PLCL1: variants seen among roughly 807,000 people sequenced by gnomAD.
PLCL1 encodes the protein phospholipase C like 1 (inactive).
Under a neutral mutation model 84.4 loss-of-function variants are expected in PLCL1, and 41 were observed. That is an observed-to-expected ratio of 0.49 (90% CI 0.38 to 0.63). PLCL1 has a LOEUF of 0.63. Among genes scored for constraint, PLCL1 ranks in the 30% least tolerant of loss-of-function variants. The pLI, the probability that PLCL1 is intolerant of heterozygous loss-of-function variation, is 0.00. For missense variants in PLCL1, 1,206 were observed against 1,367.8 expected (o/e 0.88, Z 1.87); for synonymous variants, 490 against 488.3 (o/e 1.00, Z -0.05).
In PLCL1 at chr2:197,909,012, C is replaced by T. The variant is rs139456466; in HGVS notation, c.240+103673C>T. Among the ~76,000 whole-genome samples, 854 of 152,302 alleles carry T rather than the reference C, an allele frequency of 5.6e-3. 5 individuals are homozygous for T. The highest frequency in any genetic ancestry group is 0.019 in the African/African-American group (809 of 41,558). On this transcript the variant is annotated intron_variant, in intron 1 of 5. Transcript: ENST00000428675. ...AGAGGAGTCACTCAAGGACCAAACA[C>T]GAGACTCATGCTATTTCTCTTGCAG...
At chr2:198,011,188 GA>G (rs1443589280) in intron 1 of PLCL1, among the ~76,000 whole-genome samples, 1 of 151,752 alleles carries the variant, frequency 6.6e-6, no homozygotes, top group African/African-American at 2.4e-5. Context: ...TCTAGTTACT[GA>G]AGGTATAAAT....
chr2:198,072,217 A>G lies in PLCL1; in HGVS notation c.241-11541A>G, dbSNP rs2105886217. The stretch of plus-strand genomic sequence containing the variant: ...TTAAGTTTATTCTTGACTTGTTTAT[A>G]ATCTTAATTACTGATTTGAATGGGA... On this transcript the variant is annotated intron_variant, in intron 1 of 5. Transcript: ENST00000428675. 1.3e-5 allele frequency among the ~76,000 whole-genome samples: 2 copies of G among 151,970 alleles called. 1 individual carries two copies. The highest frequency in any genetic ancestry group is 4.2e-4 in the South Asian group (2 of 4,818).
At chr2:198,104,234 C>G (rs1234386551) in intron 5 of PLCL1, among the ~76,000 whole-genome samples, 2 of 151,954 alleles carry the variant, frequency 1.3e-5, no homozygotes, top group African/African-American at 4.8e-5. Context: ...CTGTTCCTCT[C>G]TTTGTGTCCA....
chr2:198,104,109 G>A (rs1474972316), intron 5 of PLCL1, among the ~76,000 whole-genome samples, 173 bp downstream of exon 5: 2 of 151,764 alleles, frequency 1.3e-5, no homozygotes, highest in African/African-American at 2.4e-5. Context: ...TGTCGCGGGG[G>A]GCTGGAGTGC....
At chr2:198,009,612 A>C (rs1690817570) in intron 1 of PLCL1, among the ~76,000 whole-genome samples, 1 of 151,950 alleles carries the variant, frequency 6.6e-6, no homozygotes, top group Non-Finnish European at 1.5e-5. Flanking sequence ...TGAAATCAAG[A>C]AGTGTGATGC....
At position 197,979,587 on chromosome 2, in the gene PLCL1, G is replaced by C. The variant is rs528992082; in HGVS notation, c.241-104171G>C. On this transcript the variant is annotated intron_variant, in intron 1 of 5. Transcript: ENST00000428675. ...ACTTCTCTGCTTACGCACATTTTCT[G>C]ATTTCCTATTGCTTCCAGAATTAAG... 3.9e-5 allele frequency among the ~76,000 whole-genome samples: 6 copies of C among 152,284 alleles called. No individual in the cohort carries two copies. The South Asian group carries it at 1.2e-3, about 32-fold the overall frequency.
In PLCL1 at chr2:197,993,580, A is replaced by G. The variant is rs78951871; in HGVS notation, c.241-90178A>G. 9.3e-3 allele frequency among the ~76,000 whole-genome samples: 1,419 copies of G among 152,136 alleles called. 24 individuals carry two copies. The highest frequency in any genetic ancestry group is 0.032 in the African/African-American group (1,346 of 41,460). ...CCTTGTGTAACAGTGTAGAGTCATT[A>G]TCACCCCTGGGCCTGAGGGGACAAG... On this transcript the variant is annotated intron_variant, in intron 1 of 5. Transcript: ENST00000428675.
chr2:197,932,552 C>T (rs1688958967), intron 1 of PLCL1, among the ~76,000 whole-genome samples: 1 of 152,094 alleles, frequency 6.6e-6, no homozygotes, highest in Non-Finnish European at 1.5e-5. Context: ...CCAGTGTGTG[C>T]TGTTCCCCTC....
chr2:197,806,875 T>G (rs949437699), intron 1 of PLCL1, among the ~76,000 whole-genome samples: 2 of 152,174 alleles, frequency 1.3e-5, no homozygotes, highest in African/African-American at 4.8e-5. Context: ...TAATGGAGTA[T>G]AAGGAATATA....
At chr2:197,998,559 G>A (rs1318301922) in intron 1 of PLCL1, among the ~76,000 whole-genome samples, 2 of 152,004 alleles carry the variant, frequency 1.3e-5, no homozygotes, top group Non-Finnish European at 2.9e-5. Flanking sequence ...CTCATCATGG[G>A]GGCCTCCTGT....
intron 1 of PLCL1, among the ~76,000 whole-genome samples, chr2:197,834,484 T>C (rs888403524): frequency 1.3e-5 from 2 of 152,094 alleles, no homozygotes; most frequent in African/African-American, 4.8e-5. Context: ...AAAAAGTGGG[T>C]GACAGATATG....
intron 1 of PLCL1, among the ~76,000 whole-genome samples, chr2:198,029,954 C>A (rs1691370101): frequency 6.6e-6 from 1 of 151,928 alleles, no homozygotes. Flanking sequence ...CCTGCCTCAG[C>A]CTCCCAAAGT....
chr2:198,082,438 T>C (rs1035690348), intron 1 of PLCL1, among the ~76,000 whole-genome samples: 1 of 151,476 alleles, frequency 6.6e-6, no homozygotes, highest in Non-Finnish European at 1.5e-5. Context: ...AGCGAGATTC[T>C]GTCAAAAAAA....
At chr2:198,091,071 T>C (rs1439034674) in intron 3 of PLCL1, among the ~76,000 whole-genome samples, 2 of 152,212 alleles carry the variant, frequency 1.3e-5, no homozygotes, top group Non-Finnish European at 2.9e-5. Flanking sequence ...TATAATGAAG[T>C]CTTTCATGTA....
intron 5 of PLCL1, among the ~76,000 whole-genome samples, chr2:198,136,909 C>T (rs78439700): frequency 1.0e-3 from 158 of 152,198 alleles, no homozygotes; most frequent in African/African-American, 3.6e-3. Flanking sequence ...AAATCTGGCT[C>T]AGATTAAAAT....
At chr2:197,830,880 A>G (rs1691044422) in intron 1 of PLCL1, among the ~76,000 whole-genome samples, 2 of 152,250 alleles carry the variant, frequency 1.3e-5, no homozygotes, top group Admixed American at 1.3e-4. Context: ...ACATTCTTAA[A>G]GAATTTTCAA....
chr2:198,052,861 C>T (rs1400026664), intron 1 of PLCL1, among the ~76,000 whole-genome samples: 1 of 152,124 alleles, frequency 6.6e-6, no homozygotes, highest in African/African-American at 2.4e-5. Context: ...TGAGGTACCT[C>T]CCCCTTCATT....
intron 1 of PLCL1, among the ~76,000 whole-genome samples, chr2:197,815,677 A>G (rs1296828964): frequency 6.6e-6 from 1 of 152,136 alleles, no homozygotes; most frequent in Non-Finnish European, 1.5e-5. Context: ...TGATTCATGG[A>G]AGGAGGTAAA....
intron 5 of PLCL1, among the ~76,000 whole-genome samples, chr2:198,119,635 T>G (rs1693824774): frequency 6.6e-6 from 1 of 151,828 alleles, no homozygotes; most frequent in African/African-American, 2.4e-5. Flanking sequence ...CTCTTGTCCC[T>G]CCATACCCCT....
Sources: gnomAD v4.1 joint callset for allele counts (sites outside exome capture counted in the v4.1 genomes callset) on GRCh38, gnomAD v4.1.1 for gene constraint, MANE v1.5 for transcripts, NCBI Gene and HGNC (gene_info 2026-07-23, HGNC 2026-07-21) for gene names.